RPS6KC1: variants seen among roughly 807,000 people sequenced by gnomAD.
RPS6KC1 encodes inactive ribosomal protein S6 kinase delta-1.
In RPS6KC1, 54 loss-of-function variants were observed where a neutral mutation model predicts 103.8. The observed-to-expected ratio is 0.52, with a 90% CI of 0.42 to 0.65. The LOEUF (loss-of-function observed/expected upper bound fraction) is 0.65. Among genes scored for constraint, RPS6KC1 ranks in the 30% least tolerant of loss-of-function variants. The pLI, the probability that RPS6KC1 is intolerant of heterozygous loss-of-function variation, is 0.00. For synonymous variants in RPS6KC1, 439 were observed against 438.7 expected (o/e 1.00, Z -0.01); for missense variants, 1,151 against 1,253.8 (o/e 0.92, Z 1.24).
the RPS6KC1 span, among the ~76,000 whole-genome samples, chr1:213,568,860 G>A: frequency 1.3e-5 from 2 of 152,190 alleles, no homozygotes; most frequent in African/African-American, 4.8e-5. Context: ...GGAATTGTGA[G>A]TCAAGGAGAA....
chr1:213,250,067 T>C (rs893634773), intron 12 of RPS6KC1, among the ~76,000 whole-genome samples: 3 of 151,984 alleles, frequency 2.0e-5, no homozygotes, highest in Admixed American at 6.6e-5. Flanking sequence ...CACGTCCAGT[T>C]CCCCACAATA....
chr1:213,443,634 G>T, the RPS6KC1 span, among the ~76,000 whole-genome samples: 8 of 152,154 alleles, frequency 5.3e-5, no homozygotes, highest in Non-Finnish European at 8.8e-5. Flanking sequence ...GTTTTGTTGT[G>T]GCCAGGTGTG....
the RPS6KC1 span, among the ~76,000 whole-genome samples, chr1:213,777,884 C>G: frequency 6.6e-6 from 1 of 152,182 alleles, no homozygotes; most frequent in Non-Finnish European, 1.5e-5. Context: ...CAGGGACTTT[C>G]AAGTGCTTTA....
At chr1:213,490,262 C>T in the RPS6KC1 span, among the ~76,000 whole-genome samples, 3 of 152,122 alleles carry the variant, frequency 2.0e-5, no homozygotes, top group South Asian at 6.2e-4. Flanking sequence ...TTCCTTCAAC[C>T]TTCACCCCTC....
the RPS6KC1 span, among the ~76,000 whole-genome samples, chr1:213,572,554 G>A: frequency 6.6e-6 from 1 of 152,196 alleles, no homozygotes; most frequent in East Asian, 1.9e-4. Flanking sequence ...TTTTAATAAT[G>A]GAAAGGGCAG....
intron 6 of RPS6KC1, among the ~76,000 whole-genome samples, chr1:213,164,784 G>T (rs1006975122): frequency 6.6e-6 from 1 of 152,178 alleles, no homozygotes; most frequent in Non-Finnish European, 1.5e-5. Context: ...GCCCAGGCTT[G>T]TGTTGAACTC....
At chr1:213,131,517 C>T (rs576626220) in intron 6 of RPS6KC1, among the ~76,000 whole-genome samples, 7 of 151,968 alleles carry the variant, frequency 4.6e-5, no homozygotes, top group Middle Eastern at 6.8e-3. Context: ...GATCTCAGCT[C>T]GCTGCAACCT....
the RPS6KC1 span, among the ~76,000 whole-genome samples, chr1:213,369,737 G>A: frequency 4.5e-3 from 683 of 152,350 alleles, 2 homozygotes; most frequent in Admixed American, 7.6e-3. Flanking sequence ...CTAGGCAGCT[G>A]GTGTGGCCAG....
intron 4 of RPS6KC1, among the ~76,000 whole-genome samples, chr1:213,105,910 A>G (rs2082439803): frequency 6.6e-6 from 1 of 152,224 alleles, no homozygotes; most frequent in Non-Finnish European, 1.5e-5. Flanking sequence ...AAAAGCTGTC[A>G]TGCAAATTAC....
intron 8 of RPS6KC1, among the ~76,000 whole-genome samples, chr1:213,186,800 G>A (rs2092550898): frequency 6.6e-6 from 1 of 151,998 alleles, no homozygotes; most frequent in South Asian, 2.1e-4. Context: ...TTTTCAGATA[G>A]CCAGTCTTTG....
At chr1:213,462,571 G>A in the RPS6KC1 span, among the ~76,000 whole-genome samples, 1 of 152,178 alleles carries the variant, frequency 6.6e-6, no homozygotes, top group Non-Finnish European at 1.5e-5. Context: ...ATACTATGCA[G>A]CCATAAAAAA....
chr1:213,832,628 T>C, the RPS6KC1 span: 1 of 152,188 alleles, frequency 6.6e-6, no homozygotes, highest in African/African-American at 2.4e-5. Flanking sequence ...TGGCTCTGAG[T>C]CCAATGAGTA....
At chr1:213,300,865 G>C in the RPS6KC1 span, among the ~76,000 whole-genome samples, 1 of 152,164 alleles carries the variant, frequency 6.6e-6, no homozygotes, top group Non-Finnish European at 1.5e-5. Flanking sequence ...GAGACTCTCT[G>C]ATCTAATTAT....
the RPS6KC1 span, among the ~76,000 whole-genome samples, chr1:213,452,172 C>T: frequency 2.6e-5 from 4 of 152,164 alleles, no homozygotes; most frequent in East Asian, 1.9e-4. Flanking sequence ...ATTCAGCAAA[C>T]GGGCCTGGGA....
chr1:213,607,819 C>T, the RPS6KC1 span, among the ~76,000 whole-genome samples: 1 of 152,102 alleles, frequency 6.6e-6, no homozygotes, highest in East Asian at 1.9e-4. Context: ...CAGGGGTTCT[C>T]GCCTGAATTT....
intron 5 of RPS6KC1, among the ~76,000 whole-genome samples, chr1:213,124,228 A>T (rs1292416415): frequency 6.6e-6 from 1 of 152,150 alleles, no homozygotes; most frequent in African/African-American, 2.4e-5. Flanking sequence ...TATCACTTCC[A>T]AAAAAAGCTT....
At chr1:213,683,220 G>C in the RPS6KC1 span, among the ~76,000 whole-genome samples, 25 of 152,230 alleles carry the variant, frequency 1.6e-4, no homozygotes, top group Admixed American at 2.0e-4. Context: ...GGGGACTGTC[G>C]GGGTCAGGAG....
At chr1:213,625,879 G>A in the RPS6KC1 span, among the ~76,000 whole-genome samples, 4 of 152,038 alleles carry the variant, frequency 2.6e-5, no homozygotes, top group Non-Finnish European at 5.9e-5. Flanking sequence ...GAATAGTGCC[G>A]CAATAAACAT....
chr1:213,559,839 G>T, the RPS6KC1 span, among the ~76,000 whole-genome samples: 3 of 152,004 alleles, frequency 2.0e-5, no homozygotes, highest in African/African-American at 7.2e-5. Context: ...ATTCCAAAAT[G>T]TTACCATTTC....
Sources: allele counts gnomAD v4.1 joint callset (sites outside exome capture counted in the v4.1 genomes callset), GRCh38; gene constraint gnomAD v4.1.1; transcripts MANE v1.5; gene names NCBI Gene and HGNC (gene_info 2026-07-23, HGNC 2026-07-21).